EHBP1: variants seen among roughly 807,000 people sequenced by gnomAD.
The protein encoded by EHBP1 is EH domain binding protein 1.
Under a neutral mutation model 144.0 loss-of-function variants are expected in EHBP1, and 55 were observed. The observed-to-expected ratio is 0.38, with a 90% confidence interval of 0.31 to 0.48. The LOEUF (loss-of-function observed/expected upper bound fraction) is 0.48, where lower values mean the gene tolerates loss of function less well. Among genes scored for constraint, EHBP1 ranks in the 20% least tolerant of loss-of-function variants. The pLI, the probability that EHBP1 is intolerant of heterozygous loss-of-function variation, is 0.98. For missense variants in EHBP1, 1,200 were observed against 1,364.2 expected, an observed-to-expected ratio of 0.88 and a Z score of 1.90; for synonymous variants, 469 against 472.7, an observed-to-expected ratio of 0.99 and a Z score of 0.10.
intron 5 of EHBP1, among the ~76,000 whole-genome samples, chr2:62,824,779 G>A (rs1038527753): frequency 1.3e-5 from 2 of 151,750 alleles, no homozygotes; most frequent in South Asian, 2.1e-4. Context: ...TACTTGTTTC[G>A]CTGGGTAGAA....
intron 2 of EHBP1, among the ~76,000 whole-genome samples, chr2:62,727,602 A>G (rs1189988249): frequency 6.6e-5 from 10 of 152,202 alleles, no homozygotes; most frequent in Non-Finnish European, 1.5e-4. Context: ...TTATGGTTTC[A>G]AGGTTCATCC....
At chr2:63,001,928 G>A (rs1478533601) in intron 19 of EHBP1, among the ~76,000 whole-genome samples, 2 of 152,140 alleles carry the variant, frequency 1.3e-5, no homozygotes, top group East Asian at 3.8e-4. Flanking sequence ...TAAGTCAGAA[G>A]AAACAGATCA....
At chr2:62,912,118 A>G (rs1558901390) in intron 10 of EHBP1, among the ~76,000 whole-genome samples, 1 of 152,168 alleles carries the variant, frequency 6.6e-6, no homozygotes. Flanking sequence ...TTGGAGGAAC[A>G]AAAAAACCAT....
intron 5 of EHBP1, among the ~76,000 whole-genome samples, chr2:62,809,852 A>G: frequency 6.6e-6 from 1 of 151,738 alleles, no homozygotes; most frequent in African/African-American, 2.4e-5. Context: ...TCCAAAAAAA[A>G]TTTTTTTTTG....
chr2:62,972,931 T>C (rs921173703), intron 14 of EHBP1, among the ~76,000 whole-genome samples: 4 of 152,198 alleles, frequency 2.6e-5, no homozygotes, highest in Non-Finnish European at 4.4e-5. Flanking sequence ...AAAGTCCCAT[T>C]AGGGCTACAT....
rs917660192 is a variant in EHBP1 at position 62,843,580 on chromosome 2, G to C, written c.634+12422G>C. 7.2e-5 allele frequency among the ~76,000 whole-genome samples: 11 copies of C among 152,232 alleles called. No individual in the cohort carries two copies. In the South Asian group the frequency reaches 2.3e-3, roughly 32 times the overall value. On this transcript the variant is annotated intron_variant, in intron 7 of 22. Coordinates refer to ENST00000431489, the MANE Select transcript of EHBP1 (RefSeq NM_001142616.3). ...TGTCATTTTCTATTATGTTTGCAGAGTATGGTAACCTAAATTAATAGCACA... is the reference window on the plus strand; with the variant it reads ...TGTCATTTTCTATTATGTTTGCAGACTATGGTAACCTAAATTAATAGCACA...
At chr2:62,928,833 C>G (rs1402823542) in intron 10 of EHBP1, among the ~76,000 whole-genome samples, 2 of 131,616 alleles carry the variant, frequency 1.5e-5, no homozygotes, top group Non-Finnish European at 3.2e-5. Flanking sequence ...GCTAGATAGA[C>G]TAAGAACAAA....
Position 62,808,305 on chromosome 2 carries a change from AT to A in EHBP1, c.313-17773del, listed in dbSNP as rs901286597. Among the ~76,000 whole-genome samples, 136 of 122,124 alleles carry A rather than the reference AT, an allele frequency of 1.1e-3. 1 individual carries two copies. In the East Asian group the frequency reaches 0.012, roughly 11 times the overall value. 80.1% of individuals were successfully genotyped at this position (122,124 alleles called of 152,430 possible). A position where few individuals can be genotyped will look rare whatever the true frequency, so the allele number is the denominator to read the frequency against. ...TTGTCCCACAGTCCTTGGCTACTCT[AT>A]TTTTTTTTCCAGTCTTTTTTCTCTT... On this transcript the variant is annotated intron_variant, in intron 5 of 22. Coordinates refer to ENST00000431489, the MANE Select transcript of EHBP1 (RefSeq NM_001142616.3).
intron 19 of EHBP1, among the ~76,000 whole-genome samples, chr2:63,033,431 T>C (rs932601735): frequency 1.3e-5 from 2 of 152,194 alleles, no homozygotes; most frequent in African/African-American, 4.8e-5. Context: ...TAGAAAATCT[T>C]GAATTTGTGT....
intron 14 of EHBP1, among the ~76,000 whole-genome samples, chr2:62,971,645 G>A (rs751474270): frequency 1.3e-5 from 2 of 152,062 alleles, no homozygotes; most frequent in African/African-American, 4.8e-5. Flanking sequence ...GACCTTGGGC[G>A]GTATATTTAA....
At chr2:62,983,905 AT>A (rs2059081100) in intron 15 of EHBP1, among the ~76,000 whole-genome samples, 1 of 152,196 alleles carries the variant, frequency 6.6e-6, no homozygotes, top group Admixed American at 6.5e-5. Context: ...GAATGAAGAA[AT>A]TTTTTTAAAT....
At chr2:63,018,039 C>T (rs992846009) in intron 19 of EHBP1, among the ~76,000 whole-genome samples, 1 of 152,148 alleles carries the variant, frequency 6.6e-6, no homozygotes, top group African/African-American at 2.4e-5. Flanking sequence ...TGGCACATGA[C>T]TGTAGTTCCC....
chr2:62,778,807 T>C (rs2042225287), intron 5 of EHBP1, among the ~76,000 whole-genome samples: 1 of 152,188 alleles, frequency 6.6e-6, no homozygotes, highest in Non-Finnish European at 1.5e-5. Flanking sequence ...TTCTGATAAA[T>C]TACTTCTACT....
rs141577311 is a variant in EHBP1 at position 62,902,389 on chromosome 2, A to G, written c.1185+27857A>G. 4.0e-3 allele frequency among the ~76,000 whole-genome samples: 607 copies of G among 152,356 alleles called. 1 individual carries two copies. The highest frequency in any genetic ancestry group is 5.8e-3 in the Non-Finnish European group (398 of 68,036). On this transcript the variant is annotated intron_variant, in intron 10 of 22. Transcript: ENST00000431489. ...AAAATGTCAGAAACATAGGAGGGGA[A>G]GAGTAAAAATAGTCCAGAATACCTC...
intron 7 of EHBP1, among the ~76,000 whole-genome samples, chr2:62,844,192 G>A (rs1455589094): frequency 6.6e-6 from 1 of 152,084 alleles, no homozygotes; most frequent in Non-Finnish European, 1.5e-5. Context: ...AGCAGTATTT[G>A]ACAAAACATA....
intron 1 of EHBP1, among the ~76,000 whole-genome samples, chr2:62,686,092 T>A (rs1157831468): frequency 6.6e-6 from 1 of 152,194 alleles, no homozygotes; most frequent in African/African-American, 2.4e-5. Context: ...CTAGTTTGAC[T>A]TTTGAGAGCA....
chr2:62,893,354 A>G (rs866564437), intron 10 of EHBP1, among the ~76,000 whole-genome samples: 26 of 152,264 alleles, frequency 1.7e-4, no homozygotes, highest in Middle Eastern at 3.4e-3. Flanking sequence ...AAACGGTGTG[A>G]GATGTTAAAG....
At chr2:62,870,740 TATATATATATGTATTTAAA>T (rs1163631857) in intron 9 of EHBP1, among the ~76,000 whole-genome samples, 5 of 145,532 alleles carry the variant, frequency 3.4e-5, no homozygotes, top group Non-Finnish European at 7.5e-5. Context: ...AAAAAATACA[TATATATATATGTATTTAAA>T]ATATATATAT....
chr2:63,032,055 G>A (rs1350806130), intron 19 of EHBP1, among the ~76,000 whole-genome samples: 3 of 151,946 alleles, frequency 2.0e-5, no homozygotes, highest in Non-Finnish European at 2.9e-5. Flanking sequence ...TGTGTTTAGT[G>A]TGTTACCTTT....
Sources: gnomAD v4.1 joint callset for allele counts (sites outside exome capture counted in the v4.1 genomes callset) on GRCh38, gnomAD v4.1.1 for gene constraint, MANE v1.5 for transcripts, NCBI Gene and HGNC (gene_info 2026-07-23, HGNC 2026-07-21) for gene names.